The following CNTNAP4 variants were observed in gnomAD, a reference collection of about 807,000 sequenced individuals.
The protein encoded by CNTNAP4 is contactin associated protein family member 4, also known as contactin-associated protein-like 4.
In CNTNAP4, 98 loss-of-function variants were observed where a neutral mutation model predicts 148.4. The observed-to-expected ratio is 0.66, with a 90% CI of 0.56 to 0.78. The LOEUF is 0.78. Ranked by LOEUF, CNTNAP4 falls within the 30% of genes least tolerant of loss-of-function variation. CNTNAP4 has a pLI of 0.00. For synonymous variants in CNTNAP4, 730 were observed against 565.1 expected (o/e 1.29, Z -4.14); for missense variants, 1,935 against 1,565.6 (o/e 1.24, Z -3.98).
Position 76,539,841 on chromosome 16 carries a change from G to T in CNTNAP4, c.3343G>T (p.Val1115Phe). ...HIMINREEGV[V>F]FIEIDDNRRR... ...AATGATTAACAGAGAAGAAGGAGTG[G>T]TCTTTATAGAGGTAATGTAGTAAAT... Residue 1115 changes from valine (V) to phenylalanine (F), a missense_variant, in exon 20 of 24, where the codon GTC (valine) becomes TTC (phenylalanine). Transcript: ENST00000611870. 6.3e-7 allele frequency: 1 copy of T among 1,591,386 alleles called. No individual in the cohort carries two copies. The highest frequency in any genetic ancestry group is 8.5e-7 in the Non-Finnish European group (1 of 1,172,754).
At chr16:76,324,983 C>T (rs1360997493) in intron 2 of CNTNAP4, among the ~76,000 whole-genome samples, 1 of 152,150 alleles carries the variant, frequency 6.6e-6, no homozygotes, top group Non-Finnish European at 1.5e-5. Context: ...AGCTACATTT[C>T]CAGAAACTAG....
At chr16:76,409,852 C>G (rs1367754138) in intron 3 of CNTNAP4, among the ~76,000 whole-genome samples, 1 of 151,866 alleles carries the variant, frequency 6.6e-6, no homozygotes, top group Non-Finnish European at 1.5e-5. Context: ...AATAAACTGT[C>G]TGTAACACTG....
chr16:76,557,133 C>A (rs2085230744), intron 23 of CNTNAP4, among the ~76,000 whole-genome samples: 1 of 152,144 alleles, frequency 6.6e-6, no homozygotes, highest in Admixed American at 6.6e-5. Flanking sequence ...TCAGAAAATT[C>A]TTTAAGTATT....
At chr16:76,401,997 A>C (rs2078435449) in intron 3 of CNTNAP4, among the ~76,000 whole-genome samples, 1 of 152,062 alleles carries the variant, frequency 6.6e-6, no homozygotes, top group African/African-American at 2.4e-5. Context: ...ATTGTCCTGA[A>C]GTTTTCTATT....
chr16:76,537,093 A>G (rs1262373408), intron 18 of CNTNAP4, among the ~76,000 whole-genome samples: 1 of 152,208 alleles, frequency 6.6e-6, no homozygotes, highest in Non-Finnish European at 1.5e-5. Context: ...ATTCTAGGAC[A>G]CTTTTCATGT....
rs572058788 is a variant in CNTNAP4, at chr16:76,302,841, T to C, written c.86-13572T>C. On this transcript the variant is annotated intron_variant, in intron 1 of 23. Transcript: ENST00000611870. ...GGCTCACACACCACACACCTGACTATCTCTCCAGAAGGGAGGGCTCTATGC... is the reference window on the plus strand; with the variant it reads ...GGCTCACACACCACACACCTGACTACCTCTCCAGAAGGGAGGGCTCTATGC... 9.9e-5 allele frequency among the ~76,000 whole-genome samples: 15 copies of C among 152,130 alleles called. No individual in the cohort carries two copies. The East Asian group carries it at 2.9e-3, about 29-fold the overall frequency.
At chr16:76,521,062 A>G in intron 15 of CNTNAP4, 78 bp from the exon 16 acceptor site, 4 of 1,327,514 alleles carry the variant, frequency 3.0e-6, no homozygotes, top group South Asian at 1.3e-5. Context: ...AAAATAGAAC[A>G]TGTAATTGTC....
intron 2 of CNTNAP4, among the ~76,000 whole-genome samples, chr16:76,326,700 A>G (rs569839022): frequency 2.0e-5 from 3 of 151,898 alleles, no homozygotes; most frequent in Non-Finnish European, 4.4e-5. Flanking sequence ...TCACAAGGAC[A>G]AAAAAACCAA....
intron 20 of CNTNAP4, 145 bp downstream of exon 20, chr16:76,539,997 G>T: frequency 5.0e-6 from 3 of 597,288 alleles, no homozygotes; most frequent in Non-Finnish European, 5.7e-6. Context: ...AATGTAGTCA[G>T]GATTCTTTTA....
intron 15 of CNTNAP4, among the ~76,000 whole-genome samples, chr16:76,519,112 T>C (rs922188536): frequency 6.6e-6 from 1 of 152,216 alleles, no homozygotes; most frequent in African/African-American, 2.4e-5. Context: ...CATGGAAATA[T>C]TGGCCTTTGC....
chr16:76,383,082 T>A (rs1363951624), intron 3 of CNTNAP4, among the ~76,000 whole-genome samples: 2 of 150,702 alleles, frequency 1.3e-5, no homozygotes, highest in Admixed American at 1.3e-4. Flanking sequence ...AACATTGGTT[T>A]GTAAAAGGAA....
At chr16:76,359,132 A>T (rs2144529425) in intron 3 of CNTNAP4, among the ~76,000 whole-genome samples, 1 of 152,294 alleles carries the variant, frequency 6.6e-6, no homozygotes, top group East Asian at 1.9e-4. Flanking sequence ...TGTACATCAT[A>T]AAAAAACTTA....
chr16:76,411,844 A>G (rs995348066), intron 3 of CNTNAP4, among the ~76,000 whole-genome samples: 6 of 151,414 alleles, frequency 4.0e-5, no homozygotes, highest in Admixed American at 3.3e-4. Context: ...GAAAAAGACA[A>G]AAAGCATAAA....
At chr16:76,542,025 A>G (rs1324237437) in intron 21 of CNTNAP4, among the ~76,000 whole-genome samples, 3 of 152,200 alleles carry the variant, frequency 2.0e-5, no homozygotes, top group African/African-American at 7.2e-5. Context: ...GCATGAAATG[A>G]CGATTCTACT....
intron 3 of CNTNAP4, among the ~76,000 whole-genome samples, chr16:76,418,106 C>T (rs980411184): frequency 6.6e-6 from 1 of 151,494 alleles, no homozygotes; most frequent in Admixed American, 6.6e-5. Context: ...TTTTAATCTT[C>T]ATGTTTATTC....
In CNTNAP4 at chr16:76,535,564, G is replaced by A. The variant is rs2084178133; in HGVS notation, c.2775G>A (p.Gln925=). ...TTTTAGGTGGAACGGCCACCAGACA[G>A]AGAGGCTTTCTGGGCTGCATTCGGT... ...QLFVGGTATR[Q]RGFLGCIRSL... is the part of the protein sequence containing the mutation. Residue 925 remains glutamine (Q), a synonymous_variant, in exon 18 of 24, where the codon CAG becomes CAA. Coordinates refer to ENST00000611870, the MANE Select transcript of CNTNAP4 (RefSeq NM_033401.5). 6.2e-7 allele frequency: 1 copy of A among 1,612,194 alleles called. No individual in the cohort carries two copies. The highest frequency in any genetic ancestry group is 1.3e-5 in the African/African-American group (1 of 74,886).
intron 18 of CNTNAP4, among the ~76,000 whole-genome samples, chr16:76,536,823 T>C (rs893534578): frequency 1.3e-5 from 2 of 152,184 alleles, no homozygotes; most frequent in South Asian, 2.1e-4. Flanking sequence ...TTATTACTCT[T>C]TCATAGTTCC....
Position 76,559,563 on chromosome 16 carries a change from T to C in CNTNAP4, c.*880T>C, listed in dbSNP as rs529375428. On this transcript the variant is annotated 3_prime_UTR_variant, in exon 24 of 24. Coordinates refer to ENST00000611870, the MANE Select transcript of CNTNAP4 (RefSeq NM_033401.5). ...AACACAGCAAAAAATTATTATTTAA[T>C]TTACAACTGTAATACCTCAAATGAA... 6.6e-6 allele frequency among the ~76,000 whole-genome samples: 1 copy of C among 152,174 alleles called. No homozygotes were observed. The highest frequency in any genetic ancestry group is 1.5e-5 in the Non-Finnish European group (1 of 68,034).
chr16:76,303,060 A>T (rs1041356066), intron 1 of CNTNAP4, among the ~76,000 whole-genome samples: 1 of 152,218 alleles, frequency 6.6e-6, no homozygotes, highest in Non-Finnish European at 1.5e-5. Flanking sequence ...AAAACAGTGG[A>T]AATGAACCTC....
Sources: gnomAD v4.1 joint callset for allele counts (sites outside exome capture counted in the v4.1 genomes callset) on GRCh38, gnomAD v4.1.1 for gene constraint, MANE v1.5 for transcripts, NCBI Gene and HGNC (gene_info 2026-07-23, HGNC 2026-07-21) for gene names.